NRXN1: variants seen among roughly 807,000 people sequenced by gnomAD.
The protein encoded by NRXN1 is neurexin-1.
A neutral mutation model predicts 150.9 loss-of-function variants in NRXN1; 39 were observed. The observed-to-expected ratio is 0.26, with a 90% CI of 0.20 to 0.34. The LOEUF is 0.34. Ranked by LOEUF, NRXN1 falls within the 10% of genes least tolerant of loss-of-function variation. NRXN1 has a pLI of 1.00. For synonymous variants in NRXN1, 924 were observed against 757.0 expected (o/e 1.22, Z -3.62); for missense variants, 1,815 against 1,949.9 (o/e 0.93, Z 1.30).
In NRXN1 at chr2:50,690,489, C is replaced by A. The variant is rs1691917256; in HGVS notation, c.833-66874G>T. On this transcript the variant is annotated intron_variant, in intron 5 of 22. Coordinates refer to ENST00000401669, the MANE Select transcript of NRXN1 (RefSeq NM_001330078.2). ...ATATCATGAAGCCATCACAGCCTTG[C>A]ACATGAGATTTGGTTGGTGGGAATA... Among the ~76,000 whole-genome samples, 3 of 152,108 alleles carry A rather than the reference C, an allele frequency of 2.0e-5. No individual in the cohort carries two copies. The South Asian group carries it at 6.2e-4, about 32-fold the overall frequency.
intron 5 of NRXN1, among the ~76,000 whole-genome samples, chr2:50,792,163 G>A (rs940628085): frequency 6.6e-6 from 1 of 151,992 alleles, no homozygotes; most frequent in African/African-American, 2.4e-5. Flanking sequence ...TAATCTCTCT[G>A]GATATTTATG....
At chr2:50,827,107 A>C (rs1200674543) in intron 5 of NRXN1, among the ~76,000 whole-genome samples, 1 of 152,222 alleles carries the variant, frequency 6.6e-6, no homozygotes, top group Non-Finnish European at 1.5e-5. Flanking sequence ...ATGAGGACAG[A>C]AATGTGATCA....
At chr2:50,119,621 T>A in intron 18 of NRXN1, among the ~76,000 whole-genome samples, 1 of 151,762 alleles carries the variant, frequency 6.6e-6, no homozygotes, top group South Asian at 2.1e-4. Flanking sequence ...TTCTTCCAGG[T>A]TGAGTGAAAA....
At chr2:50,023,217 C>G (rs1169002635) in intron 21 of NRXN1, 1 of 152,160 alleles carries the variant, frequency 6.6e-6, no homozygotes, top group African/African-American at 2.4e-5. Flanking sequence ...TACTACTTTA[C>G]CTTGCTTAGT....
intron 21 of NRXN1, chr2:49,945,140 T>G (rs1231170842): frequency 2.6e-5 from 4 of 152,174 alleles, no homozygotes; most frequent in Non-Finnish European, 5.9e-5. Context: ...GATGGTTTCA[T>G]GTTACTCTGC....
At chr2:50,656,234 T>TAG in intron 5 of NRXN1, 1 of 575,282 alleles carries the variant, frequency 1.7e-6, no homozygotes, top group Non-Finnish European at 3.2e-6. Context: ...TTTTTAAACT[T>TAG]AAAGTCTAAT....
At chr2:50,382,870 G>A (rs1240284620) in intron 17 of NRXN1, among the ~76,000 whole-genome samples, 3 of 152,150 alleles carry the variant, frequency 2.0e-5, no homozygotes, top group African/African-American at 7.2e-5. Flanking sequence ...GGCTAACTCA[G>A]AGATAACCTT....
chr2:50,430,648 T>C (rs2084894409), intron 17 of NRXN1, among the ~76,000 whole-genome samples: 1 of 152,148 alleles, frequency 6.6e-6, no homozygotes, highest in South Asian at 2.1e-4. Flanking sequence ...AATGCTGGAA[T>C]AGTAACTGTC....
At chr2:50,042,185 A>G (rs1691082794) in intron 21 of NRXN1, among the ~76,000 whole-genome samples, 1 of 152,172 alleles carries the variant, frequency 6.6e-6, no homozygotes, top group Non-Finnish European at 1.5e-5. Context: ...CTCTGCAAAT[A>G]TTGATTAATC....
chr2:49,974,410 A>C (rs975479870), intron 21 of NRXN1, among the ~76,000 whole-genome samples: 5 of 152,246 alleles, frequency 3.3e-5, no homozygotes, highest in South Asian at 2.1e-4. Flanking sequence ...CCCCCGACCG[A>C]AAAAAAGGCT....
At chr2:50,646,687 G>A (rs1684858296) in intron 5 of NRXN1, among the ~76,000 whole-genome samples, 2 of 145,840 alleles carry the variant, frequency 1.4e-5, no homozygotes. Flanking sequence ...AATTTTTCCT[G>A]CCTCTGTACT....
At chr2:50,924,226 T>C (rs1686518997) in intron 3 of NRXN1, among the ~76,000 whole-genome samples, 1 of 151,796 alleles carries the variant, frequency 6.6e-6, no homozygotes, top group Non-Finnish European at 1.5e-5. Context: ...GCTACATCAA[T>C]AAGGATGGAA....
At chr2:50,305,893 T>G (rs2152958423) in intron 17 of NRXN1, among the ~76,000 whole-genome samples, 1 of 152,338 alleles carries the variant, frequency 6.6e-6, no homozygotes, top group East Asian at 1.9e-4. Flanking sequence ...GAGAACAGAC[T>G]TTCAGAAAAT....
At chr2:50,251,013 A>AACT (rs367722262) in intron 17 of NRXN1, among the ~76,000 whole-genome samples, 1 of 148,044 alleles carries the variant, frequency 6.8e-6, no homozygotes, top group African/African-American at 2.5e-5. Context: ...CATATGTGTA[A>AACT]TATTACATAT....
chr2:50,512,056 A>C (rs2092471185), intron 12 of NRXN1, among the ~76,000 whole-genome samples: 1 of 152,140 alleles, frequency 6.6e-6, no homozygotes, highest in Admixed American at 6.6e-5. Context: ...TATCTGTAAA[A>C]TGATAATCCC....
intron 21 of NRXN1, among the ~76,000 whole-genome samples, chr2:50,040,539 C>A (rs1690774453): frequency 6.6e-6 from 1 of 151,800 alleles, no homozygotes; most frequent in Non-Finnish European, 1.5e-5. Context: ...AGATATGGAG[C>A]TAATTACCAA....
At chr2:49,966,189 C>T (rs1043288173) in intron 21 of NRXN1, among the ~76,000 whole-genome samples, 1 of 152,168 alleles carries the variant, frequency 6.6e-6, no homozygotes, top group African/African-American at 2.4e-5. Context: ...CCCATACCTT[C>T]GTTTTCACTG....
intron 18 of NRXN1, among the ~76,000 whole-genome samples, chr2:50,112,302 C>T (rs1702476249): frequency 6.6e-6 from 1 of 152,156 alleles, no homozygotes; most frequent in African/African-American, 2.4e-5. Context: ...ATTACCCCTG[C>T]TACTGTATCA....
intron 5 of NRXN1, chr2:50,917,292 CAGA>C (rs1300008110): frequency 1.3e-5 from 2 of 151,620 alleles, no homozygotes; most frequent in Admixed American, 6.6e-5. Flanking sequence ...AGAATTTATA[CAGA>C]AGAAGATACA....
Sources: gnomAD v4.1 joint callset for allele counts (sites outside exome capture counted in the v4.1 genomes callset) on GRCh38, gnomAD v4.1.1 for gene constraint, MANE v1.5 for transcripts, NCBI Gene and HGNC (gene_info 2026-07-23, HGNC 2026-07-21) for gene names.